Variants in PLCL1 observed in about 807,000 individuals in gnomAD.
The protein encoded by PLCL1 is inactive phospholipase C-like protein 1.
A neutral mutation model predicts 84.4 loss-of-function variants in PLCL1; 41 were observed. That is an observed-to-expected ratio of 0.49 (90% CI 0.38 to 0.63). PLCL1 has a LOEUF of 0.63. PLCL1 is among the 30% of genes least tolerant of loss of function. PLCL1 has a pLI of 0.00. For missense variants in PLCL1, 1,206 were observed against 1,367.8 expected (o/e 0.88, Z 1.87); for synonymous variants, 490 against 488.3 (o/e 1.00, Z -0.05).
chr2:197,952,885 C>G (rs907827057), intron 1 of PLCL1, among the ~76,000 whole-genome samples: 1 of 152,094 alleles, frequency 6.6e-6, no homozygotes, highest in Non-Finnish European at 1.5e-5. Context: ...GATTGTGAGG[C>G]CTCCCCAGCC....
chr2:198,035,856 G>A lies in PLCL1; in HGVS notation c.241-47902G>A, dbSNP rs551146533. On this transcript the variant is annotated intron_variant, in intron 1 of 5. Transcript: ENST00000428675. Reference sequence around the variant, plus strand: ...TTGAGACCAGCCTGGCCAACATGGCGAAACCCCATCTCTACTAAAAATACA... The same window carrying A: ...TTGAGACCAGCCTGGCCAACATGGCAAAACCCCATCTCTACTAAAAATACA... 4.7e-4 allele frequency among the ~76,000 whole-genome samples: 72 copies of A among 152,266 alleles called. 1 individual carries two copies. Among genetic ancestry groups the A allele is most frequent in the African/African-American group, 1.6e-3 (66 of 41,564 alleles).
At chr2:197,984,515 A>G (rs926081791) in intron 1 of PLCL1, among the ~76,000 whole-genome samples, 9 of 152,238 alleles carry the variant, frequency 5.9e-5, no homozygotes, top group African/African-American at 1.9e-4. Flanking sequence ...TAGATCCTCA[A>G]TAGTAATAGT....
Position 198,016,391 on chromosome 2 carries a change from TC to T in PLCL1, c.241-67365del, listed in dbSNP as rs1690997993. On this transcript the variant is annotated intron_variant, in intron 1 of 5. Coordinates refer to ENST00000428675, the MANE Select transcript of PLCL1 (RefSeq NM_006226.4). ...CTCACCCTGGAGCTTTCTTTGATGC[TC>T]CTCTCTTCAAGTCCCATGTGGCTGT... is the stretch of plus-strand genomic sequence containing the variant. Among the ~76,000 whole-genome samples the T allele has an allele frequency of 2.0e-5, 3 of 152,330 alleles. No homozygotes were observed. The East Asian group carries it at 5.8e-4, about 29-fold the overall frequency.
At chr2:198,057,730 T>A (rs935602890) in intron 1 of PLCL1, among the ~76,000 whole-genome samples, 1 of 152,198 alleles carries the variant, frequency 6.6e-6, no homozygotes, top group African/African-American at 2.4e-5. Flanking sequence ...GAACTCCAAG[T>A]GCTTTACAAG....
intron 1 of PLCL1, among the ~76,000 whole-genome samples, chr2:198,000,600 C>A (rs1442615466): frequency 6.6e-6 from 1 of 152,076 alleles, no homozygotes; most frequent in African/African-American, 2.4e-5. Context: ...CTATATTATA[C>A]TTTGAAGAGA....
At chr2:198,018,497 C>A (rs1237907420) in intron 1 of PLCL1, among the ~76,000 whole-genome samples, 1 of 152,214 alleles carries the variant, frequency 6.6e-6, no homozygotes, top group Non-Finnish European at 1.5e-5. Context: ...ATTCTTGCTG[C>A]CAGCACAGCA....
At chr2:197,994,772 CT>C in intron 1 of PLCL1, among the ~76,000 whole-genome samples, 1 of 152,252 alleles carries the variant, frequency 6.6e-6, no homozygotes, top group Non-Finnish European at 1.5e-5. Flanking sequence ...ACTGTTTATA[CT>C]TTTAAATGTA....
chr2:197,833,632 A>T lies in PLCL1; in HGVS notation c.240+28293A>T, dbSNP rs557945118. On this transcript the variant is annotated intron_variant, in intron 1 of 5. Transcript: ENST00000428675. ...ATACAACTTACAAGGGATGTGAAGG[A>T]CCTCTTCAAGGAGGACTACAAGGAA... Among the ~76,000 whole-genome samples, 3 of 152,338 alleles carry T rather than the reference A, an allele frequency of 2.0e-5. 1 individual carries two copies. The South Asian group carries it at 6.2e-4, about 32-fold the overall frequency.
intron 5 of PLCL1, among the ~76,000 whole-genome samples, chr2:198,104,649 T>C (rs1023446450): frequency 1.3e-5 from 2 of 152,052 alleles, no homozygotes; most frequent in African/African-American, 4.8e-5. Flanking sequence ...GAATTTACAT[T>C]CCCACCAGCA....
At chr2:197,821,514 T>A (rs1027662480) in intron 1 of PLCL1, among the ~76,000 whole-genome samples, 3 of 152,158 alleles carry the variant, frequency 2.0e-5, no homozygotes, top group Non-Finnish European at 4.4e-5. Context: ...GGGATCCAGA[T>A]TTTTTGCTCT....
At chr2:197,911,625 T>C (rs1390285139) in intron 1 of PLCL1, among the ~76,000 whole-genome samples, 1 of 152,234 alleles carries the variant, frequency 6.6e-6, no homozygotes, top group Non-Finnish European at 1.5e-5. Flanking sequence ...TTGCTAATAC[T>C]GTTAATTATT....
At chr2:198,134,424 C>T (rs995733938) in intron 5 of PLCL1, among the ~76,000 whole-genome samples, 5 of 152,064 alleles carry the variant, frequency 3.3e-5, no homozygotes, top group Non-Finnish European at 5.9e-5. Context: ...GCTGCCTTAG[C>T]CTCATTCATT....
intron 1 of PLCL1, among the ~76,000 whole-genome samples, chr2:198,040,189 G>A (rs552164146): frequency 5.3e-4 from 80 of 152,224 alleles, no homozygotes; most frequent in Middle Eastern, 3.4e-3. Context: ...CAGCATAGAC[G>A]AGGAGTTGAG....
chr2:197,920,052 A>T (rs1332686272), intron 1 of PLCL1, among the ~76,000 whole-genome samples: 1 of 152,118 alleles, frequency 6.6e-6, no homozygotes, highest in Non-Finnish European at 1.5e-5. Context: ...AAATAAGATC[A>T]TATATATTGT....
chr2:198,097,632 GA>G (rs926075755), intron 3 of PLCL1, among the ~76,000 whole-genome samples: 1 of 152,070 alleles, frequency 6.6e-6, no homozygotes, highest in Non-Finnish European at 1.5e-5. Flanking sequence ...AACAACAAGA[GA>G]AAAAAAATGA....
At chr2:197,983,386 C>A (rs770593205) in intron 1 of PLCL1, among the ~76,000 whole-genome samples, 1 of 151,502 alleles carries the variant, frequency 6.6e-6, no homozygotes, top group Non-Finnish European at 1.5e-5. Flanking sequence ...TGTACCACCA[C>A]GCTTGGCTAA....
intron 3 of PLCL1, among the ~76,000 whole-genome samples, chr2:198,090,468 A>G (rs775456079): frequency 1.3e-5 from 2 of 152,208 alleles, no homozygotes; most frequent in Non-Finnish European, 2.9e-5. Flanking sequence ...CTTAAGGAAG[A>G]AAAGATGAAG....
intron 1 of PLCL1, among the ~76,000 whole-genome samples, chr2:197,943,859 G>A (rs1559052354): frequency 1.3e-5 from 2 of 152,048 alleles, no homozygotes; most frequent in Non-Finnish European, 2.9e-5. Context: ...GTTCTGTGTG[G>A]TCAAACAGTC....
chr2:197,881,178 C>A (rs947526709), intron 1 of PLCL1, among the ~76,000 whole-genome samples: 1 of 152,120 alleles, frequency 6.6e-6, no homozygotes, highest in Non-Finnish European at 1.5e-5. Context: ...ATCTAACTGA[C>A]AAGTGAAGGG....
Sources: gnomAD v4.1 joint callset for allele counts (sites outside exome capture counted in the v4.1 genomes callset) on GRCh38, gnomAD v4.1.1 for gene constraint, MANE v1.5 for transcripts, NCBI Gene and HGNC (gene_info 2026-07-23, HGNC 2026-07-21) for gene names.